Variants in DPYD observed in about 807,000 individuals in gnomAD.
DPYD encodes dihydropyrimidine dehydrogenase.
A neutral mutation model predicts 116.2 loss-of-function variants in DPYD; 109 were observed. That is an observed-to-expected ratio of 0.94 (90% CI 0.80 to 1.10). DPYD has a LOEUF of 1.10. Ranked by LOEUF, DPYD falls within the 50% of genes least tolerant of loss-of-function variation. The pLI, the probability that DPYD is intolerant of heterozygous loss-of-function variation, is 0.00. For missense variants in DPYD, 1,302 were observed against 1,254.5 expected, an observed-to-expected ratio of 1.04 and a Z score of -0.57; for synonymous variants, 440 against 432.0, an observed-to-expected ratio of 1.02 and a Z score of -0.23.
chr1:97,782,362 G>A (rs1666795136), intron 3 of DPYD, among the ~76,000 whole-genome samples: 1 of 152,090 alleles, frequency 6.6e-6, no homozygotes, highest in Admixed American at 6.6e-5. Context: ...TGTGGCCCCA[G>A]ACAGCTGTCT....
intron 20 of DPYD, among the ~76,000 whole-genome samples, chr1:97,158,765 A>C (rs887479581): frequency 4.6e-5 from 7 of 152,112 alleles, no homozygotes; most frequent in Non-Finnish European, 1.0e-4. Context: ...ACAGAGAGGG[A>C]GCACCAGATT....
At chr1:97,767,556 T>A (rs1173417628) in intron 3 of DPYD, among the ~76,000 whole-genome samples, 1 of 152,090 alleles carries the variant, frequency 6.6e-6, no homozygotes, top group African/African-American at 2.4e-5. Flanking sequence ...TGACGGAGGA[T>A]GAGAGACGAC....
intron 3 of DPYD, among the ~76,000 whole-genome samples, chr1:97,755,552 C>T (rs1215569821): frequency 1.3e-5 from 2 of 152,158 alleles, no homozygotes; most frequent in East Asian, 3.9e-4. Context: ...GAGCTCTCTG[C>T]CCAACCACAT....
At chr1:97,472,731 C>T (rs971622147) in intron 13 of DPYD, among the ~76,000 whole-genome samples, 1 of 152,098 alleles carries the variant, frequency 6.6e-6, no homozygotes, top group African/African-American at 2.4e-5. Context: ...AAACCATAAC[C>T]TTTTCTCAAA....
intron 21 of DPYD, among the ~76,000 whole-genome samples, chr1:97,086,575 G>A (rs986116060): frequency 8.6e-5 from 13 of 152,042 alleles, no homozygotes; most frequent in Admixed American, 6.5e-5. Context: ...CTAGCTTCAA[G>A]TCTTCATATT....
chr1:97,466,416 G>A lies in DPYD; in HGVS notation c.1741-16193C>T, dbSNP rs181021390. Reference sequence around the variant, plus strand: ...GGCTGTAATCACAGTCTGACTTCACGTGTATATTCAAAATTAATTAAGTAG... The same window carrying A: ...GGCTGTAATCACAGTCTGACTTCACATGTATATTCAAAATTAATTAAGTAG... On this transcript the variant is annotated intron_variant, in intron 13 of 22. Transcript: ENST00000370192. Among the ~76,000 whole-genome samples the A allele has an allele frequency of 3.8e-4, 58 of 151,620 alleles. No individual in the cohort carries two copies. The South Asian group carries it at 0.011, about 28-fold the overall frequency.
chr1:97,340,556 C>G (rs115262804), intron 16 of DPYD, among the ~76,000 whole-genome samples: 2 of 152,142 alleles, frequency 1.3e-5, no homozygotes, highest in East Asian at 3.9e-4. Flanking sequence ...TGCCTGTGGT[C>G]CCAGCTACTT....
At chr1:97,700,196 G>A in intron 5 of DPYD, 2 of 455,548 alleles carry the variant, frequency 4.4e-6, no homozygotes. Context: ...TTACCAAAGG[G>A]AGGAAGGCTA....
At position 97,125,297 on chromosome 1, in the gene DPYD, A is replaced by G. The variant is rs72965842; in HGVS notation, c.2623-26665T>C. ...TATGTGGATGAATCTTGTTTTCAAA[A>G]GACTATCTTGATCACATGAGATCGT... On this transcript the variant is annotated intron_variant, in intron 20 of 22. Coordinates refer to ENST00000370192, the MANE Select transcript of DPYD (RefSeq NM_000110.4). Among the ~76,000 whole-genome samples the G allele has an allele frequency of 4.9e-3, 749 of 152,258 alleles. 2 individuals are homozygous for G. Among genetic ancestry groups the G allele is most frequent in the African/African-American group, 0.017 (710 of 41,570 alleles).
At chr1:97,761,464 C>A (rs1348295964) in intron 3 of DPYD, among the ~76,000 whole-genome samples, 1 of 151,854 alleles carries the variant, frequency 6.6e-6, no homozygotes, top group Non-Finnish European at 1.5e-5. Flanking sequence ...ATAAGCCAAG[C>A]AGAAATTCTA....
chr1:97,294,930 T>C lies in DPYD; in HGVS notation c.2299+10329A>G, dbSNP rs186060234. On this transcript the variant is annotated intron_variant, in intron 18 of 22. Coordinates refer to ENST00000370192, the MANE Select transcript of DPYD (RefSeq NM_000110.4). ...GTCACAGAAGAGTACACTGGCAGCT[T>C]TTCAAAACCAGAGAGAATAAATGTT... is the stretch of plus-strand genomic sequence containing the variant. 1.1e-3 allele frequency among the ~76,000 whole-genome samples: 173 copies of C among 152,310 alleles called. 3 individuals are homozygous for C. The highest frequency in any genetic ancestry group is 5.8e-4 in the East Asian group (3 of 5,182).
intron 19 of DPYD, among the ~76,000 whole-genome samples, chr1:97,216,080 T>C (rs868015839): frequency 1.3e-5 from 2 of 152,240 alleles, no homozygotes; most frequent in Admixed American, 6.5e-5. Context: ...GCTTTTTCCA[T>C]AATGCATTTT....
chr1:97,217,839 G>C (rs1325237600), intron 19 of DPYD, among the ~76,000 whole-genome samples: 2 of 152,172 alleles, frequency 1.3e-5, no homozygotes, highest in East Asian at 3.9e-4. Context: ...GGCAACACCA[G>C]GGTGGCTGGA....
At chr1:97,482,501 T>G (rs2101884119) in intron 13 of DPYD, among the ~76,000 whole-genome samples, 1 of 152,342 alleles carries the variant, frequency 6.6e-6, no homozygotes, top group East Asian at 1.9e-4. Flanking sequence ...ACTTAAATTC[T>G]ACCTTTTTTC....
rs1181872814 is a variant in DPYD, at chr1:97,339,985, G to A, written c.2058+33576C>T. 5.3e-5 allele frequency among the ~76,000 whole-genome samples: 8 copies of A among 152,246 alleles called. 1 individual carries two copies. The Middle Eastern group carries it at 0.014, about 259-fold the overall frequency. On this transcript the variant is annotated intron_variant, in intron 16 of 22. Transcript: ENST00000370192. ...TAAAATGGGCAAGTAGGCTGTCTTAGTGTGATCATTGTCATTACTGAACTG... is the reference window on the plus strand; with the variant it reads ...TAAAATGGGCAAGTAGGCTGTCTTAATGTGATCATTGTCATTACTGAACTG...
chr1:97,685,992 T>C (rs1409617666), intron 7 of DPYD, among the ~76,000 whole-genome samples: 3 of 152,154 alleles, frequency 2.0e-5, no homozygotes, highest in African/African-American at 4.8e-5. Context: ...TTAAAATTCA[T>C]ATGGAACCAA....
At chr1:97,426,008 CATT>C (rs972534172) in intron 14 of DPYD, among the ~76,000 whole-genome samples, 1 of 149,568 alleles carries the variant, frequency 6.7e-6, no homozygotes, top group Non-Finnish European at 1.5e-5. Context: ...GGTGTTATTA[CATT>C]ATTATTCTAT....
intron 5 of DPYD, among the ~76,000 whole-genome samples, chr1:97,716,762 T>C (rs77233321): frequency 0.013 from 2,018 of 152,194 alleles, 21 homozygotes; most frequent in Middle Eastern, 0.024. Context: ...TGTACAATTA[T>C]TTCTTAGGAA....
intron 14 of DPYD, chr1:97,394,144 A>AT (rs1218037020): frequency 4.0e-5 from 6 of 151,580 alleles, no homozygotes; most frequent in South Asian, 2.1e-4. Context: ...GGGTTGTTTG[A>AT]TTTTTTCTTG....
Sources: gnomAD v4.1 joint callset for allele counts (sites outside exome capture counted in the v4.1 genomes callset) on GRCh38, gnomAD v4.1.1 for gene constraint, MANE v1.5 for transcripts, NCBI Gene and HGNC (gene_info 2026-07-23, HGNC 2026-07-21) for gene names.